The following NT5DC3 variants were observed in gnomAD, a reference collection of about 807,000 sequenced individuals.
NT5DC3 encodes the protein 5'-nucleotidase domain-containing protein 3.
In NT5DC3, 42 loss-of-function variants were observed where a neutral mutation model predicts 67.8. The ratio of observed to expected loss-of-function variants is 0.62; its 90% confidence interval spans 0.48 to 0.80. The LOEUF (loss-of-function observed/expected upper bound fraction) is 0.80. Ranked by LOEUF, NT5DC3 falls within the 30% of genes least tolerant of loss-of-function variation. NT5DC3 has a pLI of 0.00. For missense variants in NT5DC3, 570 were observed against 696.4 expected (o/e 0.82, Z 2.04); for synonymous variants, 237 against 255.6 (o/e 0.93, Z 0.69).
chr12:103,816,462 A>G (rs1550208), intron 1 of NT5DC3, among the ~76,000 whole-genome samples: 15,442 of 152,240 alleles, frequency 0.1, 1,119 homozygotes, highest in East Asian at 0.29. Flanking sequence ...GTTAATCTTC[A>G]CCTTTCAGAT....
At chr12:103,784,657 G>T (rs1885690030) in intron 12 of NT5DC3, among the ~76,000 whole-genome samples, 1 of 152,198 alleles carries the variant, frequency 6.6e-6, no homozygotes, top group Non-Finnish European at 1.5e-5. Context: ...AGAAAGCAAG[G>T]TGCCTCATGG....
At chr12:103,828,922 C>T (rs1327702080) in intron 1 of NT5DC3, among the ~76,000 whole-genome samples, 1 of 152,144 alleles carries the variant, frequency 6.6e-6, no homozygotes, top group Non-Finnish European at 1.5e-5. Flanking sequence ...TGGTCTTGAA[C>T]TCCTGGCCTC....
intron 6 of NT5DC3, among the ~76,000 whole-genome samples, chr12:103,796,601 A>G (rs1303026217): frequency 6.6e-6 from 1 of 152,186 alleles, no homozygotes; most frequent in African/African-American, 2.4e-5. Flanking sequence ...CATCCCCATC[A>G]TCCCTTTGGC....
intron 1 of NT5DC3, among the ~76,000 whole-genome samples, chr12:103,833,951 A>T (rs1162013635): frequency 6.6e-6 from 1 of 152,180 alleles, no homozygotes. Context: ...TCACACGAAG[A>T]TTTCTTAGAA....
intron 2 of NT5DC3, 28 bp from the exon 3 acceptor site, chr12:103,806,957 A>G: frequency 7.3e-7 from 1 of 1,372,570 alleles, no homozygotes. Context: ...AACTGGTTTT[A>G]GCCAACAATG....
intron 1 of NT5DC3, 48 bp downstream of exon 1, chr12:103,840,901 G>T: frequency 8.5e-7 from 1 of 1,180,342 alleles, no homozygotes; most frequent in Non-Finnish European, 1.1e-6. Flanking sequence ...CCAGCTGAGC[G>T]CGCAGGAGGG....
chr12:103,797,470 TAA>T (rs59046659), intron 5 of NT5DC3, among the ~76,000 whole-genome samples: 39,364 of 138,066 alleles, frequency 0.29, 5,760 homozygotes, highest in East Asian at 0.62. Context: ...AACTCTGCCT[TAA>T]AAAAAAAAAA....
At chr12:103,761,647 G>T in the NT5DC3 span, among the ~76,000 whole-genome samples, 8 of 152,142 alleles carry the variant, frequency 5.3e-5, no homozygotes, top group Non-Finnish European at 7.4e-5. Flanking sequence ...TTGAATGAAA[G>T]GGGGAGGATG....
intron 6 of NT5DC3, among the ~76,000 whole-genome samples, chr12:103,794,198 G>A (rs1648927059): frequency 6.8e-6 from 1 of 146,598 alleles, no homozygotes; most frequent in African/African-American, 2.5e-5. Context: ...CACCCAGGCT[G>A]AAGTGCAGTG....
chr12:103,753,019 A>T, the NT5DC3 span, among the ~76,000 whole-genome samples: 1 of 152,380 alleles, frequency 6.6e-6, no homozygotes, highest in East Asian at 1.9e-4. Context: ...CCTAATTTCT[A>T]CAATGAACAT....
chr12:103,812,669 A>T (rs1175878978), intron 2 of NT5DC3, among the ~76,000 whole-genome samples: 2 of 152,204 alleles, frequency 1.3e-5, no homozygotes, highest in African/African-American at 4.8e-5. Flanking sequence ...GAGAGAATAG[A>T]GTCCTTTGGA....
intron 1 of NT5DC3, among the ~76,000 whole-genome samples, chr12:103,832,612 T>C (rs1887980995): frequency 6.6e-6 from 1 of 152,160 alleles, no homozygotes; most frequent in Non-Finnish European, 1.5e-5. Context: ...AACTGGTAGA[T>C]CAGCGAGCCA....
chr12:103,750,992 T>C, the NT5DC3 span, among the ~76,000 whole-genome samples: 1 of 152,146 alleles, frequency 6.6e-6, no homozygotes, highest in Non-Finnish European at 1.5e-5. Context: ...CTTGGGAGGC[T>C]GAGGAAAGCG....
Position 103,787,527 on chromosome 12 carries a change from C to A in NT5DC3, c.1102G>T (p.Gly368Cys). 1 of 1,551,478 alleles carries A rather than the reference C, an allele frequency of 6.4e-7. No homozygotes were observed. The highest frequency in any genetic ancestry group is 8.8e-7 in the Non-Finnish European group (1 of 1,131,960). Reference protein sequence around the residue: ...KLQKGQIYKQGNLYEFLKLTG... With the variant: ...KLQKGQIYKQCNLYEFLKLTG... ...AGCTTCAAAAATTCATATAAATTACCCTGTAATCAGAGAAAACTATAGTTA... is the reference window on the plus strand; with the variant it reads ...AGCTTCAAAAATTCATATAAATTACACTGTAATCAGAGAAAACTATAGTTA... The change falls in exon 11 of 14, where the codon GGT becomes TGT. Residue 368 changes from glycine (G) to cysteine (C), a missense_variant and splice_region_variant. Around this residue, in one of 2 missense-constraint regions of NT5DC3, gnomAD observed 466 missense variants for 608.0 expected, o/e 0.77. Coordinates refer to ENST00000392876, the MANE Select transcript of NT5DC3 (RefSeq NM_001031701.3).
In NT5DC3 at chr12:103,788,877, A is replaced by G. The variant is rs369812211; in HGVS notation, c.1062T>C (p.Asp354=). ...KMNEKGVLLW[D]KIHKLQKGQI... is the part of the protein sequence containing the mutation. ...GGCCTTTCTGCAACTTATGGATTTTATCCCAGAGTAAGACACCTTTCTCAT... is the reference window on the plus strand; with the variant it reads ...GGCCTTTCTGCAACTTATGGATTTTGTCCCAGAGTAAGACACCTTTCTCAT... Residue 354 remains aspartate, a synonymous_variant, in exon 10 of 14, where the codon GAT becomes GAC. Coordinates refer to ENST00000392876, the MANE Select transcript of NT5DC3 (RefSeq NM_001031701.3). 1 of 1,613,574 alleles carries G rather than the reference A, an allele frequency of 6.2e-7. No individual in the cohort carries two copies. Among genetic ancestry groups the G allele is most frequent in the Non-Finnish European group, 8.5e-7 (1 of 1,179,572 alleles).
chr12:103,839,160 A>G (rs1888274405), intron 1 of NT5DC3, among the ~76,000 whole-genome samples: 1 of 152,238 alleles, frequency 6.6e-6, no homozygotes, highest in South Asian at 2.1e-4. Context: ...ATCAATATAT[A>G]CTGTTGTGAT....
At chr12:103,766,056 G>A (rs1299550775), downstream of NT5DC3, 2 of 672,026 alleles carry the variant, frequency 3.0e-6, no homozygotes, top group Non-Finnish European at 5.5e-6. Flanking sequence ...GAGTTGGGAT[G>A]ATTTGTCTTG....
At chr12:103,822,823 A>G (rs1010318904) in intron 1 of NT5DC3, among the ~76,000 whole-genome samples, 4 of 152,214 alleles carry the variant, frequency 2.6e-5, no homozygotes, top group African/African-American at 9.7e-5. Context: ...TTCCCTTTCC[A>G]GGAATCTATG....
Position 103,816,851 on chromosome 12 carries a change from A to C in NT5DC3, c.209-1730T>G, listed in dbSNP as rs1446843817. ...CTTAAGATAGTGCAGTAGTGAAATA[A>C]GTCATCACTATGACATCATCCTTCA... On this transcript the variant is annotated intron_variant, in intron 1 of 13. Coordinates refer to ENST00000392876, the MANE Select transcript of NT5DC3 (RefSeq NM_001031701.3). 3.3e-5 allele frequency among the ~76,000 whole-genome samples: 5 copies of C among 152,314 alleles called. No individual in the cohort carries two copies. In the East Asian group the frequency reaches 5.8e-4, roughly 18 times the overall value.
Sources: allele counts gnomAD v4.1 joint callset (sites outside exome capture counted in the v4.1 genomes callset), GRCh38; gene constraint gnomAD v4.1.1; regional missense constraint gnomAD v4.1.1; transcripts MANE v1.5; gene names NCBI Gene and HGNC (gene_info 2026-07-23, HGNC 2026-07-21).